The following WWOX variants were observed in gnomAD, a reference collection of about 807,000 sequenced individuals.
The protein encoded by WWOX is WW domain-containing oxidoreductase.
Under a neutral mutation model 46.2 loss-of-function variants are expected in WWOX, and 69 were observed. That is an observed-to-expected ratio of 1.49 (90% CI 1.23 to 1.82). The LOEUF (loss-of-function observed/expected upper bound fraction) is 1.82. Among genes scored for constraint, WWOX ranks in the 40% most tolerant of loss-of-function variants. The pLI is 0.00. For synonymous variants in WWOX, 359 were observed against 202.6 expected, an observed-to-expected ratio of 1.77 and a Z score of -6.56; for missense variants, 919 against 542.6, an observed-to-expected ratio of 1.69 and a Z score of -6.89.
At chr16:78,235,970 T>C (rs1221980002) in intron 5 of WWOX, among the ~76,000 whole-genome samples, 1 of 152,232 alleles carries the variant, frequency 6.6e-6, no homozygotes, top group African/African-American at 2.4e-5. Context: ...TTGTGGGCTT[T>C]ATGGTCTCTG....
At chr16:79,061,025 T>A (rs1477376259) in intron 8 of WWOX, among the ~76,000 whole-genome samples, 2 of 152,180 alleles carry the variant, frequency 1.3e-5, no homozygotes, top group Admixed American at 1.3e-4. Flanking sequence ...ACATTCAGAC[T>A]GGAATTCAGA....
intron 4 of WWOX, among the ~76,000 whole-genome samples, chr16:78,135,253 C>T (rs1422630831): frequency 1.3e-5 from 2 of 152,166 alleles, no homozygotes; most frequent in Non-Finnish European, 2.9e-5. Context: ...AAATGTACCA[C>T]GTGCCTTTTC....
intron 8 of WWOX, among the ~76,000 whole-genome samples, chr16:78,538,113 T>G (rs889766281): frequency 1.3e-5 from 2 of 150,408 alleles, no homozygotes; most frequent in African/African-American, 4.9e-5. Flanking sequence ...GAAGAACAAA[T>G]TTAAGTTTGG....
At chr16:78,445,488 G>C (rs1378209825) in intron 8 of WWOX, among the ~76,000 whole-genome samples, 2 of 152,194 alleles carry the variant, frequency 1.3e-5, no homozygotes, top group Admixed American at 6.5e-5. Flanking sequence ...ACAGATGATA[G>C]GCATGGAAAT....
intron 8 of WWOX, among the ~76,000 whole-genome samples, chr16:79,083,366 C>G (rs755498287): frequency 2.2e-4 from 34 of 152,170 alleles, no homozygotes; most frequent in Non-Finnish European, 4.6e-4. Context: ...TCAGATGAAA[C>G]CCATGTCTTC....
At chr16:78,760,634 G>A (rs2049768707) in intron 8 of WWOX, among the ~76,000 whole-genome samples, 1 of 152,078 alleles carries the variant, frequency 6.6e-6, no homozygotes, top group Non-Finnish European at 1.5e-5. Context: ...CTTGTCTTTG[G>A]AGCTCACAGC....
chr16:78,743,728 C>G (rs1207484335), intron 8 of WWOX, among the ~76,000 whole-genome samples: 2 of 152,150 alleles, frequency 1.3e-5, no homozygotes, highest in Non-Finnish European at 1.5e-5. Flanking sequence ...AACTTCGCTT[C>G]ACCCTCTGAT....
intron 6 of WWOX, among the ~76,000 whole-genome samples, chr16:78,408,871 A>G (rs1454741689): frequency 2.6e-5 from 4 of 152,122 alleles, no homozygotes. Context: ...TGGACCACTC[A>G]AGGAAGGTGG....
At chr16:78,284,034 T>C (rs1597443502) in intron 5 of WWOX, among the ~76,000 whole-genome samples, 1 of 152,196 alleles carries the variant, frequency 6.6e-6, no homozygotes, top group Non-Finnish European at 1.5e-5. Flanking sequence ...ATCTCTGAGA[T>C]TTGTATCTCG....
At chr16:78,406,813 G>C (rs183212263) in intron 6 of WWOX, among the ~76,000 whole-genome samples, 3 of 152,078 alleles carry the variant, frequency 2.0e-5, no homozygotes, top group East Asian at 1.9e-4. Flanking sequence ...TTTTAGTAGA[G>C]ATGGGTTTCA....
chr16:78,464,195 T>C (rs1400639547), intron 8 of WWOX, among the ~76,000 whole-genome samples: 2 of 151,718 alleles, frequency 1.3e-5, no homozygotes, highest in African/African-American at 4.8e-5. Flanking sequence ...CTGTGGGTTG[T>C]CTAGTACTAA....
At chr16:78,128,997 A>G (rs1000584025) in intron 4 of WWOX, among the ~76,000 whole-genome samples, 1 of 151,858 alleles carries the variant, frequency 6.6e-6, no homozygotes, top group Non-Finnish European at 1.5e-5. Flanking sequence ...TGAGTGTTTG[A>G]CAAGGTAGAG....
chr16:78,999,956 A>AC (rs1555509509), intron 8 of WWOX, among the ~76,000 whole-genome samples: 3 of 151,536 alleles, frequency 2.0e-5, no homozygotes, highest in Non-Finnish European at 4.4e-5. Context: ...CACCGGGAGC[A>AC]TTTTTTTTTC....
At chr16:78,632,853 C>T (rs954363243) in intron 8 of WWOX, among the ~76,000 whole-genome samples, 17 of 152,194 alleles carry the variant, frequency 1.1e-4, no homozygotes, top group Middle Eastern at 3.4e-3. Context: ...CCACTGCGCC[C>T]GGCCTACTTG....
chr16:78,826,001 G>C lies in WWOX; in HGVS notation c.1057-385607G>C. ...TGCTATGCCCCAGCCAGTCCCCATA[G>C]CATAACGGGCTGTCCTTGGCAGTTG... On this transcript the variant is annotated intron_variant, in intron 8 of 8. Transcript: ENST00000566780. The C allele has an allele frequency of 6.4e-6, 4 of 620,428 alleles. No homozygotes were observed. In the South Asian group the frequency reaches 1.2e-4, roughly 19 times the overall value. 38.4% of individuals were successfully genotyped at this position (620,428 alleles called of 1,614,324 possible).
In WWOX at chr16:78,673,377, G is replaced by A. The variant is rs1038440696; in HGVS notation, c.1056+240625G>A. Among the ~76,000 whole-genome samples, 37 of 152,214 alleles carry A rather than the reference G, an allele frequency of 2.4e-4. 1 individual carries two copies. Among genetic ancestry groups the A allele is most frequent in the African/African-American group, 8.2e-4 (34 of 41,542 alleles). ...AAACTCTTCGCCTCTCTAACACCAC[G>A]TTTATTCTCCAGCCCAGTTATCTTA... On this transcript the variant is annotated intron_variant, in intron 8 of 8. Coordinates refer to ENST00000566780, the MANE Select transcript of WWOX (RefSeq NM_016373.4).
chr16:78,542,424 T>C (rs1470340891), intron 8 of WWOX, among the ~76,000 whole-genome samples: 1 of 152,214 alleles, frequency 6.6e-6, no homozygotes, highest in Non-Finnish European at 1.5e-5. Flanking sequence ...GCAGTCAGCC[T>C]AGTCCCCCAG....
chr16:78,501,542 C>CTTT (rs1174623592), intron 8 of WWOX, among the ~76,000 whole-genome samples: 2 of 145,458 alleles, frequency 1.4e-5, no homozygotes. Context: ...CTTTTTCTTT[C>CTTT]TTTTTTTTTT....
intron 8 of WWOX, among the ~76,000 whole-genome samples, chr16:78,485,365 A>T (rs1366473994): frequency 6.6e-6 from 1 of 151,648 alleles, no homozygotes; most frequent in Non-Finnish European, 1.5e-5. Context: ...GGTCCTTTTG[A>T]CTCCCTAAGG....
Sources: gnomAD v4.1 joint callset for allele counts (sites outside exome capture counted in the v4.1 genomes callset) on GRCh38, gnomAD v4.1.1 for gene constraint, MANE v1.5 for transcripts, NCBI Gene and HGNC (gene_info 2026-07-23, HGNC 2026-07-21) for gene names.